Variants in TANC2 observed in about 807,000 individuals in gnomAD.
The protein encoded by TANC2 is protein TANC2.
A neutral mutation model predicts 210.5 loss-of-function variants in TANC2; 26 were observed. That is an observed-to-expected ratio of 0.12 (90% CI 0.09 to 0.17). TANC2 has a LOEUF of 0.17. Ranked by LOEUF, TANC2 falls within the 10% of genes least tolerant of loss-of-function variation. The pLI is 1.00. For missense variants in TANC2, 2,129 were observed against 2,608.9 expected (o/e 0.82, Z 4.01); for synonymous variants, 931 against 967.1 (o/e 0.96, Z 0.69).
At chr17:63,163,375 T>C (rs1290324395) in intron 5 of TANC2, among the ~76,000 whole-genome samples, 2 of 152,108 alleles carry the variant, frequency 1.3e-5, no homozygotes, top group East Asian at 3.9e-4. Context: ...ATCATCTGTG[T>C]GAATAGAAAA....
chr17:63,425,139 A>G (rs1236360342), exon 28 of TANC2: 1 of 152,176 alleles, frequency 6.6e-6, no homozygotes, highest in Non-Finnish European at 1.5e-5. Context: ...GCAGACGTGC[A>G]CTATTAAAGT....
At chr17:63,153,187 G>A (rs58898806) in intron 5 of TANC2, 3 of 151,986 alleles carry the variant, frequency 2.0e-5, no homozygotes, top group African/African-American at 7.3e-5. Context: ...GAATTGATGA[G>A]TATACTCACA....
chr17:62,969,078 G>A (rs1165832319), intron 1 of TANC2, among the ~76,000 whole-genome samples: 2 of 151,938 alleles, frequency 1.3e-5, no homozygotes, highest in Non-Finnish European at 2.9e-5. Flanking sequence ...ATACTGTATT[G>A]CTTGAAAAAA....
chr17:63,193,149 T>A (rs1453617283), intron 5 of TANC2, among the ~76,000 whole-genome samples: 2 of 152,226 alleles, frequency 1.3e-5, no homozygotes, highest in African/African-American at 4.8e-5. Flanking sequence ...AAAAATAAGT[T>A]ATCTAAATGT....
At chr17:63,227,377 T>A (rs1024879215) in intron 7 of TANC2, among the ~76,000 whole-genome samples, 1 of 152,232 alleles carries the variant, frequency 6.6e-6, no homozygotes, top group Non-Finnish European at 1.5e-5. Flanking sequence ...TTTTCATACG[T>A]TGGCTGCATA....
intron 1 of TANC2, among the ~76,000 whole-genome samples, chr17:62,976,882 T>A (rs1201118210): frequency 6.6e-6 from 1 of 152,214 alleles, no homozygotes; most frequent in Admixed American, 6.5e-5. Context: ...CCTCCTTCCT[T>A]TGTTCTCCTC....
exon 28 of TANC2, chr17:63,422,625 G>A (rs988537650): frequency 5.9e-5 from 9 of 152,158 alleles, no homozygotes; most frequent in African/African-American, 2.2e-4. Context: ...GGCATTGTAG[G>A]AACATGTCAA....
chr17:63,141,251 T>C (rs1013104655), intron 4 of TANC2, among the ~76,000 whole-genome samples: 1 of 149,888 alleles, frequency 6.7e-6, no homozygotes, highest in Admixed American at 6.6e-5. Flanking sequence ...TAAATAAAAG[T>C]ATAAAATAGG....
Position 63,392,179 on chromosome 17 carries a change from G to A in TANC2, c.3051+2635G>A, listed in dbSNP as rs758486028. Among the ~76,000 whole-genome samples the A allele has an allele frequency of 5.3e-5, 8 of 152,134 alleles. No individual in the cohort carries two copies. In the East Asian group the frequency reaches 5.8e-4, roughly 11 times the overall value. On this transcript the variant is annotated intron_variant, in intron 17 of 27. Coordinates refer to ENST00000689528, the Ensembl canonical transcript of TANC2. ...AGTCATAGGCTTTGGCGTCAAACCC[G>A]ACTGGGTTCTAGTTCTCCTACCTAC...
chr17:63,136,256 A>G (rs1356477142), intron 4 of TANC2, among the ~76,000 whole-genome samples: 2 of 152,218 alleles, frequency 1.3e-5, no homozygotes, highest in Non-Finnish European at 2.9e-5. Context: ...TCTTTGGATC[A>G]GTATGTTGTC....
At chr17:63,342,911 A>G (rs2046285575) in intron 12 of TANC2, among the ~76,000 whole-genome samples, 1 of 152,156 alleles carries the variant, frequency 6.6e-6, no homozygotes, top group Non-Finnish European at 1.5e-5. Flanking sequence ...TCTCTATTAT[A>G]AATACTGTTC....
intron 2 of TANC2, among the ~76,000 whole-genome samples, chr17:63,021,891 T>C (rs1419372219): frequency 1.3e-5 from 2 of 152,160 alleles, no homozygotes; most frequent in East Asian, 3.9e-4. Context: ...AGAATATTGA[T>C]AGAAATGTGG....
intron 9 of TANC2, among the ~76,000 whole-genome samples, chr17:63,270,717 T>C (rs868600333): frequency 6.6e-6 from 1 of 152,120 alleles, no homozygotes; most frequent in Admixed American, 6.6e-5. Flanking sequence ...AGGTTTGTTA[T>C]ATAGGTATGA....
At chr17:63,069,655 T>G (rs1394404319) in intron 2 of TANC2, among the ~76,000 whole-genome samples, 1 of 152,182 alleles carries the variant, frequency 6.6e-6, no homozygotes, top group African/African-American at 2.4e-5. Flanking sequence ...TCCCACACAT[T>G]TCCTGGTAAC....
intron 9 of TANC2, among the ~76,000 whole-genome samples, chr17:63,286,193 G>A (rs558025919): frequency 6.6e-6 from 1 of 152,020 alleles, no homozygotes; most frequent in Non-Finnish European, 1.5e-5. Context: ...ACCATTTCTG[G>A]TGCTCTTCAT....
At chr17:63,137,947 T>C (rs1326518843) in intron 4 of TANC2, among the ~76,000 whole-genome samples, 3 of 152,206 alleles carry the variant, frequency 2.0e-5, no homozygotes, top group Non-Finnish European at 4.4e-5. Flanking sequence ...TAGCAAAGAA[T>C]ACTATCTTTT....
At chr17:63,160,863 C>G (rs912517808) in intron 5 of TANC2, among the ~76,000 whole-genome samples, 3 of 152,084 alleles carry the variant, frequency 2.0e-5, no homozygotes, top group African/African-American at 7.2e-5. Flanking sequence ...TTCACATGTC[C>G]TTCAGAAGCC....
At chr17:63,307,237 G>A (rs1221339226) in intron 9 of TANC2, among the ~76,000 whole-genome samples, 1 of 152,084 alleles carries the variant, frequency 6.6e-6, no homozygotes, top group Non-Finnish European at 1.5e-5. Context: ...TCATCAGACA[G>A]GCCCAGTTCC....
chr17:63,170,252 C>T (rs958383174), intron 5 of TANC2, among the ~76,000 whole-genome samples: 7 of 149,706 alleles, frequency 4.7e-5, no homozygotes, highest in Non-Finnish European at 8.9e-5. Flanking sequence ...CGGTGAAATC[C>T]CATCTCTACT....
Sources: gnomAD v4.1 joint callset for allele counts (sites outside exome capture counted in the v4.1 genomes callset) on GRCh38, gnomAD v4.1.1 for gene constraint, MANE v1.5 for transcripts, NCBI Gene and HGNC (gene_info 2026-07-23, HGNC 2026-07-21) for gene names.